Variants in EXOC2 observed in about 807,000 individuals in gnomAD.
EXOC2 encodes the protein SEC5-like 1.
A neutral mutation model predicts 131.8 loss-of-function variants in EXOC2; 70 were observed. The observed-to-expected ratio is 0.53, with a 90% CI of 0.44 to 0.65. The LOEUF (loss-of-function observed/expected upper bound fraction) is 0.65, where lower values mean the gene tolerates loss of function less well. EXOC2 is among the 30% of genes least tolerant of loss of function. The pLI, the probability that EXOC2 is intolerant of heterozygous loss-of-function variation, is 0.00. For missense variants in EXOC2, 923 were observed against 1,108.6 expected, an observed-to-expected ratio of 0.83 and a Z score of 2.38; for synonymous variants, 411 against 398.4, an observed-to-expected ratio of 1.03 and a Z score of -0.38.
chr6:505,517 C>T lies in EXOC2; in HGVS notation c.2381-5817G>A, dbSNP rs183009485. On this transcript the variant is annotated intron_variant, in intron 23 of 27. Coordinates refer to ENST00000230449, the MANE Select transcript of EXOC2 (RefSeq NM_018303.6). ...CAGAGACAACATTTAAGTGGAATAA[C>T]GTTTTTAAGAGGCTAGGGAGGCATC... Among the ~76,000 whole-genome samples the T allele has an allele frequency of 6.6e-5, 10 of 152,296 alleles. No individual in the cohort carries two copies. In the East Asian group the frequency reaches 1.4e-3, roughly 21 times the overall value.
intron 4 of EXOC2, among the ~76,000 whole-genome samples, chr6:623,178 G>A (rs187397908): frequency 2.0e-5 from 3 of 152,326 alleles, no homozygotes; most frequent in Admixed American, 1.3e-4. Context: ...GGAGGACACG[G>A]GTGGCAGAGC....
intron 1 of EXOC2, chr6:679,103 G>A (rs1042987437): frequency 2.0e-5 from 3 of 151,976 alleles, no homozygotes; most frequent in Admixed American, 6.5e-5. Context: ...AAATCACAAC[G>A]GTGAACACAC....
At chr6:630,698 T>G (rs768802244) in intron 3 of EXOC2, among the ~76,000 whole-genome samples, 2 of 152,236 alleles carry the variant, frequency 1.3e-5, no homozygotes, top group African/African-American at 2.4e-5. Flanking sequence ...AAAAATAATA[T>G]GCTACTTGCT....
chr6:683,415 C>G (rs574477556), intron 1 of EXOC2, among the ~76,000 whole-genome samples: 1 of 152,222 alleles, frequency 6.6e-6, no homozygotes, highest in Non-Finnish European at 1.5e-5. Flanking sequence ...AAAAGATATT[C>G]TCCTAAATTT....
chr6:673,541 C>T (rs1439794128), intron 1 of EXOC2, among the ~76,000 whole-genome samples: 4 of 152,004 alleles, frequency 2.6e-5, no homozygotes, highest in Admixed American at 1.3e-4. Context: ...TGAGGAGGAG[C>T]GAAAACGTTT....
At chr6:649,057 A>G (rs1436697840) in intron 1 of EXOC2, among the ~76,000 whole-genome samples, 1 of 151,976 alleles carries the variant, frequency 6.6e-6, no homozygotes, top group Non-Finnish European at 1.5e-5. Flanking sequence ...TGTGTTTCCC[A>G]TGCTGGAGGG....
chr6:600,011 T>C (rs942500827), intron 7 of EXOC2, among the ~76,000 whole-genome samples: 1 of 152,216 alleles, frequency 6.6e-6, no homozygotes, highest in African/African-American at 2.4e-5. Flanking sequence ...AGAAAAAAGA[T>C]AAACTGTTTT....
At chr6:501,176 CTATATATTATATA>C (rs1764073807) in intron 23 of EXOC2, among the ~76,000 whole-genome samples, 1 of 6,354 alleles carries the variant, frequency 1.6e-4, no homozygotes. Flanking sequence ...TTATATATAT[CTATATATTATATA>C]TATCTATATA....
intron 25 of EXOC2, among the ~76,000 whole-genome samples, chr6:493,159 C>T (rs1763533186): frequency 6.6e-6 from 1 of 152,132 alleles, no homozygotes; most frequent in African/African-American, 2.4e-5. Context: ...CAGCTCTTCA[C>T]AGTTTATTAG....
chr6:514,865 G>A (rs1204104003), intron 23 of EXOC2, among the ~76,000 whole-genome samples: 1 of 152,214 alleles, frequency 6.6e-6, no homozygotes, highest in African/African-American at 2.4e-5. Flanking sequence ...GGGGAGCGAG[G>A]GAGCCAGGGA....
At chr6:656,662 C>T (rs1356321944) in intron 1 of EXOC2, 1 of 1,607,302 alleles carries the variant, frequency 6.2e-7, no homozygotes, top group Non-Finnish European at 8.5e-7. Context: ...GACGCGCCCG[C>T]TGCGCTTCTC....
chr6:577,057 T>G (rs938286463), intron 11 of EXOC2, among the ~76,000 whole-genome samples, 175 bp from the exon 12 acceptor site: 2 of 152,220 alleles, frequency 1.3e-5, no homozygotes, highest in Admixed American at 1.3e-4. Flanking sequence ...TTAAAAGTCA[T>G]TCTCAGTTCA....
chr6:644,199 G>A (rs9392728), intron 1 of EXOC2, among the ~76,000 whole-genome samples: 107,438 of 151,918 alleles, frequency 0.71, 38,625 homozygotes, highest in Middle Eastern at 0.86. Context: ...CAGTTTTTCA[G>A]ACATCAATCA....
At chr6:497,546 A>G in intron 24 of EXOC2, 57 bp from the exon 25 acceptor site, 1 of 1,556,310 alleles carries the variant, frequency 6.4e-7, no homozygotes, top group Non-Finnish European at 8.7e-7. Context: ...TGAATTTGTT[A>G]AAGACAAAGT....
intron 1 of EXOC2, among the ~76,000 whole-genome samples, chr6:682,222 C>T (rs1164650711): frequency 1.5e-4 from 21 of 138,214 alleles, no homozygotes; most frequent in African/African-American, 4.3e-4. Context: ...TTTTTTGAGA[C>T]GGAGTCTCGC....
At chr6:630,217 A>G (rs1761775913) in intron 3 of EXOC2, among the ~76,000 whole-genome samples, 1 of 152,238 alleles carries the variant, frequency 6.6e-6, no homozygotes, top group African/African-American at 2.4e-5. Context: ...AACAGAGAAG[A>G]CAAATTAAGC....
chr6:501,360 T>A (rs868029532), intron 23 of EXOC2, among the ~76,000 whole-genome samples: 1 of 78 alleles, frequency 0.013, no homozygotes, highest in African/African-American at 0.062. Flanking sequence ...ATCTATATAT[T>A]ATATATATCT....
intron 1 of EXOC2, among the ~76,000 whole-genome samples, chr6:671,398 CA>C (rs1763863078): frequency 2.0e-5 from 3 of 151,476 alleles, no homozygotes; most frequent in Admixed American, 6.6e-5. Flanking sequence ...TTTAAGCCAA[CA>C]ATTCATTACA....
intron 21 of EXOC2, among the ~76,000 whole-genome samples, chr6:551,126 A>C (rs1757120031): frequency 6.6e-6 from 1 of 152,236 alleles, no homozygotes; most frequent in Admixed American, 6.5e-5. Flanking sequence ...TAAGATGGAG[A>C]CGCACGTTTG....
Sources: allele counts gnomAD v4.1 joint callset (sites outside exome capture counted in the v4.1 genomes callset), GRCh38; gene constraint gnomAD v4.1.1; transcripts MANE v1.5; gene names NCBI Gene and HGNC (gene_info 2026-07-23, HGNC 2026-07-21).